Variants in ITK observed in about 807,000 individuals in gnomAD.
ITK encodes tyrosine-protein kinase ITK/TSK.
A neutral mutation model predicts 87.6 loss-of-function variants in ITK; 45 were observed. That is an observed-to-expected ratio of 0.51 (90% CI 0.40 to 0.66). The LOEUF (loss-of-function observed/expected upper bound fraction) is 0.66. Among genes scored for constraint, ITK ranks in the 30% least tolerant of loss-of-function variants. ITK has a pLI of 0.00. For missense variants in ITK, 605 were observed against 766.3 expected, an observed-to-expected ratio of 0.79 and a Z score of 2.48; for synonymous variants, 303 against 273.6, an observed-to-expected ratio of 1.11 and a Z score of -1.06.
intron 1 of ITK, among the ~76,000 whole-genome samples, chr5:157,196,400 TTGCATTTC>T (rs1753856205): frequency 6.6e-6 from 1 of 152,194 alleles, no homozygotes; most frequent in African/African-American, 2.4e-5. Flanking sequence ...TATAATTTAT[TTGCATTTC>T]TGTTGTTATA....
At chr5:157,244,107 A>G (rs1335266723) in intron 12 of ITK, 155 bp from the exon 13 acceptor site, 3 of 751,252 alleles carry the variant, frequency 4.0e-6, no homozygotes, top group South Asian at 3.0e-5. Flanking sequence ...CTCAGCTCCA[A>G]TGACATGTTT....
At chr5:157,245,593 G>A in intron 13 of ITK, 133 bp from the exon 14 acceptor site, 9 of 759,088 alleles carry the variant, frequency 1.2e-5, no homozygotes, top group Middle Eastern at 3.2e-4. Flanking sequence ...ATTAACATTT[G>A]TAAAGCTCCA....
chr5:157,199,622 G>C (rs556326255), intron 1 of ITK: 1 of 152,172 alleles, frequency 6.6e-6, no homozygotes, highest in Non-Finnish European at 1.5e-5. Context: ...ATAGTAGTTA[G>C]GTTATCAGGC....
chr5:157,183,710 AT>A (rs1753587123), intron 1 of ITK, among the ~76,000 whole-genome samples: 2 of 152,186 alleles, frequency 1.3e-5, no homozygotes, highest in African/African-American at 4.8e-5. Flanking sequence ...GTAGATATAC[AT>A]GCATTATGAG....
chr5:157,219,901 CA>C (rs1459115207), intron 5 of ITK, among the ~76,000 whole-genome samples: 2 of 152,200 alleles, frequency 1.3e-5, no homozygotes, highest in African/African-American at 4.8e-5. Context: ...TACACTCTGC[CA>C]TTTGGCTTTT....
intron 3 of ITK, among the ~76,000 whole-genome samples, chr5:157,213,071 T>G (rs2113754996): frequency 6.6e-6 from 1 of 152,206 alleles, no homozygotes; most frequent in South Asian, 2.1e-4. Context: ...GAGTGGGTAA[T>G]GTATAATGAA....
At position 157,188,868 on chromosome 5, in the gene ITK, T is replaced by C. The variant is rs6650966; in HGVS notation, c.138+7753T>C. Reference sequence around the variant, plus strand: ...TTAGGTTTATGGATCTGCTTCCCTGTTTAATTTCTGTCTGTCCATCTAATG... The same window carrying C: ...TTAGGTTTATGGATCTGCTTCCCTGCTTAATTTCTGTCTGTCCATCTAATG... On this transcript the variant is annotated intron_variant, in intron 1 of 16. Transcript: ENST00000422843. Among the ~76,000 whole-genome samples, 383 of 152,292 alleles carry C rather than the reference T, an allele frequency of 2.5e-3. 1 individual carries two copies. The highest frequency in any genetic ancestry group is 8.5e-3 in the African/African-American group (355 of 41,570).
In ITK at chr5:157,192,286, G is replaced by C. The variant is rs558371562; in HGVS notation, c.138+11171G>C. 9.8e-4 allele frequency among the ~76,000 whole-genome samples: 150 copies of C among 152,318 alleles called. 1 individual carries two copies. Among genetic ancestry groups the C allele is most frequent in the African/African-American group, 3.5e-3 (146 of 41,576 alleles). On this transcript the variant is annotated intron_variant, in intron 1 of 16. Coordinates refer to ENST00000422843, the MANE Select transcript of ITK (RefSeq NM_005546.4). ...CTGAATGCCCGAACTGACTGTCACA[G>C]AGTAGGGGTGGTCTGAAAGGTTCCC...
intron 16 of ITK, among the ~76,000 whole-genome samples, chr5:157,251,125 T>A (rs1755132367): frequency 6.6e-6 from 1 of 152,250 alleles, no homozygotes; most frequent in African/African-American, 2.4e-5. Flanking sequence ...AAAGTAGCTG[T>A]ATTATTTTAC....
chr5:157,231,962 A>G (rs1754666227), intron 7 of ITK, among the ~76,000 whole-genome samples: 1 of 152,228 alleles, frequency 6.6e-6, no homozygotes, highest in Non-Finnish European at 1.5e-5. Flanking sequence ...AACGAAGAGG[A>G]AAATTAATGT....
chr5:157,212,297 A>G (rs145783457), intron 3 of ITK, among the ~76,000 whole-genome samples: 118 of 152,310 alleles, frequency 7.7e-4, no homozygotes, highest in African/African-American at 2.7e-3. Flanking sequence ...GGGTTCAAAT[A>G]CTAATCTGCC....
chr5:157,240,933 TTTTCTTTC>T (rs1180204722), intron 10 of ITK: 16 of 135,736 alleles, frequency 1.2e-4, no homozygotes, highest in African/African-American at 4.5e-4. Context: ...CTTTCTTTTC[TTTTCTTTC>T]TTTTTTTTTT....
chr5:157,234,225 G>A (rs140077249), intron 8 of ITK, among the ~76,000 whole-genome samples: 223 of 151,600 alleles, frequency 1.5e-3, no homozygotes, highest in African/African-American at 5.1e-3. Flanking sequence ...CAGGTGATCC[G>A]CCTGCCTTGG....
At chr5:157,194,029 A>G (rs1320711400) in intron 1 of ITK, among the ~76,000 whole-genome samples, 4 of 152,206 alleles carry the variant, frequency 2.6e-5, no homozygotes, top group Non-Finnish European at 5.9e-5. Context: ...GAGGACGGTA[A>G]GTAATTTACC....
At chr5:157,188,384 T>G (rs1753687147) in intron 1 of ITK, among the ~76,000 whole-genome samples, 1 of 152,206 alleles carries the variant, frequency 6.6e-6, no homozygotes. Flanking sequence ...GGTCCCAGCC[T>G]GCCTTCTTTA....
chr5:157,248,343 T>C (rs1384125436), intron 15 of ITK, among the ~76,000 whole-genome samples: 1 of 152,198 alleles, frequency 6.6e-6, no homozygotes, highest in Non-Finnish European at 1.5e-5. Context: ...TGTGTTTTGC[T>C]TGGTCTACAT....
chr5:157,200,374 T>C (rs1045045432), intron 1 of ITK, among the ~76,000 whole-genome samples: 1 of 152,198 alleles, frequency 6.6e-6, no homozygotes, highest in African/African-American at 2.4e-5. Context: ...CAGGTTGTAC[T>C]TGGCCTCTCC....
At chr5:157,222,191 G>A (rs1754433467) in intron 5 of ITK, among the ~76,000 whole-genome samples, 1 of 152,122 alleles carries the variant, frequency 6.6e-6, no homozygotes, top group South Asian at 2.1e-4. Context: ...CTAACCCATA[G>A]CAGGCGTGCC....
intron 1 of ITK, among the ~76,000 whole-genome samples, chr5:157,207,586 G>A (rs1754108583): frequency 6.6e-6 from 1 of 151,682 alleles, no homozygotes; most frequent in Non-Finnish European, 1.5e-5. Flanking sequence ...TCACCATGTT[G>A]GGCAGGCTGT....
Sources: gnomAD v4.1 joint callset for allele counts (sites outside exome capture counted in the v4.1 genomes callset) on GRCh38, gnomAD v4.1.1 for gene constraint, MANE v1.5 for transcripts, NCBI Gene and HGNC (gene_info 2026-07-23, HGNC 2026-07-21) for gene names.